Variants in ASIC2 observed in about 807,000 individuals in gnomAD.
The protein encoded by ASIC2 is acid sensing ion channel subunit 2, also known as acid-sensing ion channel 2.
A neutral mutation model predicts 57.3 loss-of-function variants in ASIC2; 25 were observed. That is an observed-to-expected ratio of 0.44 (90% CI 0.32 to 0.61). The LOEUF (loss-of-function observed/expected upper bound fraction) is 0.61. Among genes scored for constraint, ASIC2 ranks in the 20% least tolerant of loss-of-function variants. The probability of loss-of-function intolerance (pLI) is 0.06; values close to 1 mark genes in which losing one functional copy is unlikely to be tolerated. For synonymous variants in ASIC2, 319 were observed against 307.5 expected, an observed-to-expected ratio of 1.04 and a Z score of -0.39; for missense variants, 641 against 738.1, an observed-to-expected ratio of 0.87 and a Z score of 1.52.
chr17:34,039,272 T>A, intron 1 of ASIC2: 1 of 1,613,208 alleles, frequency 6.2e-7, no homozygotes, highest in Non-Finnish European at 8.5e-7. Context: ...TGGATGGAGA[T>A]CTGTTTTTGG....
chr17:33,309,134 C>T (rs1027710169), intron 1 of ASIC2, among the ~76,000 whole-genome samples: 19 of 152,114 alleles, frequency 1.2e-4, no homozygotes, highest in African/African-American at 4.6e-4. Context: ...GATCTTTTTT[C>T]TGCCACCAAC....
At chr17:33,075,890 C>A (rs1282189631) in intron 3 of ASIC2, among the ~76,000 whole-genome samples, 2 of 152,164 alleles carry the variant, frequency 1.3e-5, no homozygotes, top group Non-Finnish European at 1.5e-5. Context: ...AGTGGTACAG[C>A]CCAGAAACTG....
chr17:33,314,711 C>T (rs531960715), intron 1 of ASIC2, among the ~76,000 whole-genome samples: 1 of 152,288 alleles, frequency 6.6e-6, no homozygotes, highest in East Asian at 1.9e-4. Flanking sequence ...AAGTCAGGGG[C>T]TCTGACACAT....
intron 1 of ASIC2, among the ~76,000 whole-genome samples, chr17:33,650,557 C>T (rs1462093735): frequency 6.6e-6 from 1 of 152,066 alleles, no homozygotes; most frequent in African/African-American, 2.4e-5. Flanking sequence ...TTCGTAATAG[C>T]GAAAACCTGA....
In ASIC2 at chr17:33,292,993, G is replaced by C. The variant is rs1345724266; in HGVS notation, c.-878C>G. 3.0e-6 allele frequency: 3 copies of C among 985,396 alleles called. No individual in the cohort carries two copies. Among genetic ancestry groups the C allele is most frequent in the African/African-American group, 1.7e-5 (1 of 57,244 alleles). The allele number at this position is 985,396 out of a possible 1,614,324, so 61.0% of individuals were successfully genotyped here. On this transcript the variant is annotated 5_prime_UTR_variant, in exon 1 of 10. Coordinates refer to ENST00000225823, the MANE Select transcript of ASIC2 (RefSeq NM_183377.2). Reference sequence around the variant, plus strand: ...TCGCCTCGGCTCTCCCAGGTGCCTCGCGTCTCCAGAAAAGCCCAGCCTTGC... The same window carrying C: ...TCGCCTCGGCTCTCCCAGGTGCCTCCCGTCTCCAGAAAAGCCCAGCCTTGC...
At chr17:33,087,740 G>A (rs1439767788) in intron 3 of ASIC2, among the ~76,000 whole-genome samples, 3 of 149,564 alleles carry the variant, frequency 2.0e-5, no homozygotes, top group Non-Finnish European at 4.4e-5. Flanking sequence ...TTTTTTTTTG[G>A]TAGAGATAAG....
At chr17:33,578,761 C>G (rs943366598) in intron 1 of ASIC2, among the ~76,000 whole-genome samples, 1 of 150,796 alleles carries the variant, frequency 6.6e-6, no homozygotes. Flanking sequence ...ACAGCCCCAC[C>G]TGGAAGGTGC....
At chr17:34,089,664 C>G (rs553999948) in intron 1 of ASIC2, among the ~76,000 whole-genome samples, 34 of 152,280 alleles carry the variant, frequency 2.2e-4, no homozygotes, top group African/African-American at 7.7e-4. Context: ...CCCCAGGTCA[C>G]CTAGCCCCCA....
chr17:33,597,705 C>T (rs991172322), intron 1 of ASIC2, among the ~76,000 whole-genome samples: 14 of 152,164 alleles, frequency 9.2e-5, no homozygotes, highest in Admixed American at 2.6e-4. Flanking sequence ...TTTAGAGTCA[C>T]GTTTCCCAAC....
At chr17:33,783,693 T>C (rs1034976712) in intron 1 of ASIC2, among the ~76,000 whole-genome samples, 2 of 152,210 alleles carry the variant, frequency 1.3e-5, no homozygotes, top group African/African-American at 4.8e-5. Context: ...GAATAGGATA[T>C]TGCTGCTAAT....
chr17:34,121,584 T>C (rs1185311861), intron 1 of ASIC2, among the ~76,000 whole-genome samples: 1 of 152,188 alleles, frequency 6.6e-6, no homozygotes, highest in Non-Finnish European at 1.5e-5. Flanking sequence ...TGGAGGGACC[T>C]TTTTGAAATA....
At chr17:33,970,562 C>G (rs2141997969) in intron 1 of ASIC2, among the ~76,000 whole-genome samples, 1 of 152,318 alleles carries the variant, frequency 6.6e-6, no homozygotes, top group African/African-American at 2.4e-5. Context: ...AGTTAGGCAG[C>G]TTTGGCTCCA....
chr17:33,108,054 A>C (rs550011844), intron 2 of ASIC2, among the ~76,000 whole-genome samples: 1 of 152,252 alleles, frequency 6.6e-6, no homozygotes, highest in Non-Finnish European at 1.5e-5. Flanking sequence ...TACAGTTTGC[A>C]GAGAACTCTC....
intron 1 of ASIC2, among the ~76,000 whole-genome samples, chr17:33,901,723 T>C (rs1442703669): frequency 6.6e-6 from 1 of 152,188 alleles, no homozygotes; most frequent in Non-Finnish European, 1.5e-5. Context: ...TCTGATGGCA[T>C]AGAAAATCTT....
intron 1 of ASIC2, among the ~76,000 whole-genome samples, chr17:33,927,631 ATTTG>A (rs1216223469): frequency 6.6e-6 from 1 of 152,180 alleles, no homozygotes; most frequent in Non-Finnish European, 1.5e-5. Context: ...AATCTATGGT[ATTTG>A]TTAGAGCAGC....
chr17:33,316,669 T>C (rs1171886904), intron 1 of ASIC2, among the ~76,000 whole-genome samples: 1 of 152,204 alleles, frequency 6.6e-6, no homozygotes, highest in East Asian at 1.9e-4. Flanking sequence ...AGATTTATGT[T>C]ACTGATAACT....
At chr17:33,522,869 G>A (rs1476477512) in intron 1 of ASIC2, among the ~76,000 whole-genome samples, 5 of 152,120 alleles carry the variant, frequency 3.3e-5, no homozygotes, top group East Asian at 1.9e-4. Flanking sequence ...ACTGCCTCCC[G>A]CTCTGCACCG....
intron 1 of ASIC2, among the ~76,000 whole-genome samples, chr17:33,941,919 G>T (rs897883740): frequency 6.6e-6 from 1 of 152,118 alleles, no homozygotes; most frequent in Non-Finnish European, 1.5e-5. Context: ...CTACCACCCC[G>T]GGGCAACTCA....
chr17:33,139,140 C>T (rs1297291013), intron 1 of ASIC2, among the ~76,000 whole-genome samples: 1 of 152,234 alleles, frequency 6.6e-6, no homozygotes, highest in Non-Finnish European at 1.5e-5. Flanking sequence ...CTCTTGCCTT[C>T]TTCCATCATC....
Sources: gnomAD v4.1 joint callset for allele counts (sites outside exome capture counted in the v4.1 genomes callset) on GRCh38, gnomAD v4.1.1 for gene constraint, MANE v1.5 for transcripts, NCBI Gene and HGNC (gene_info 2026-07-23, HGNC 2026-07-21) for gene names.